Variants in ADGRG7 observed in about 807,000 individuals in gnomAD.
The protein encoded by ADGRG7 is adhesion G protein-coupled receptor G7, also known as G-protein coupled receptor 128.
A neutral mutation model predicts 88.6 loss-of-function variants in ADGRG7; 82 were observed. The ratio of observed to expected loss-of-function variants is 0.93; its 90% CI spans 0.77 to 1.11. The LOEUF is 1.11. Among genes scored for constraint, ADGRG7 ranks in the 50% most tolerant of loss-of-function variants. The pLI, the probability that ADGRG7 is intolerant of heterozygous loss-of-function variation, is 0.00. For synonymous variants in ADGRG7, 381 were observed against 345.2 expected, an observed-to-expected ratio of 1.10 and a Z score of -1.15; for missense variants, 945 against 953.4, an observed-to-expected ratio of 0.99 and a Z score of 0.12.
Position 100,643,389 on chromosome 3 carries a change from C to T in ADGRG7, c.822C>T (p.Arg274=). 1 of 1,613,946 alleles carries T rather than the reference C, an allele frequency of 6.2e-7. No homozygotes were observed. The highest frequency in any genetic ancestry group is 8.5e-7 in the Non-Finnish European group (1 of 1,179,912). The change falls in exon 7 of 16, where the codon CGC becomes CGT. Residue 274 remains arginine (R), a synonymous_variant. Transcript: ENST00000273352. ...SENAVGPSNV[R]FSVQKGASSS... ...ATGCGGTGGGGCCTTCAAATGTTCG[C>T]TTCTCTGTGCAGAAAGGTGAGCTGT...
In ADGRG7 at chr3:100,655,906, A is replaced by G; in HGVS notation, c.1734A>G (p.Pro578=). The G allele has an allele frequency of 6.3e-7, 1 of 1,579,672 alleles. No individual in the cohort carries two copies. Among genetic ancestry groups the G allele is most frequent in the Non-Finnish European group, 8.7e-7 (1 of 1,149,030 alleles). ...LFISLIGWGV[P]AIVVAITVGV... Reference sequence around the variant, plus strand: ...CCTCTCTTTATCACATAGGAGTCCCAGCTATAGTAGTGGCTATAACAGTGG... The same window carrying G: ...CCTCTCTTTATCACATAGGAGTCCCGGCTATAGTAGTGGCTATAACAGTGG... Residue 578 remains proline, a synonymous_variant, in exon 13 of 16, where the codon CCA becomes CCG. Transcript: ENST00000273352.
Position 100,655,055 on chromosome 3 carries a change from C to G in ADGRG7, c.1600C>G (p.His534Asp), listed in dbSNP as rs1185942948. 1 of 1,614,132 alleles carries G rather than the reference C, an allele frequency of 6.2e-7. No homozygotes were observed. Among genetic ancestry groups the G allele is most frequent in the Admixed American group, 1.7e-5 (1 of 60,020 alleles). Residue 534 changes from histidine to aspartate, a missense_variant, in exon 12 of 16, where the codon CAC becomes GAC. Transcript: ENST00000273352. Reference sequence around the variant, plus strand: ...GTGCACTGCGATTGCCGCCTTACTGCACTATTTTCTGTTAGTGACATTTAC... The same window carrying G: ...GTGCACTGCGATTGCCGCCTTACTGGACTATTTTCTGTTAGTGACATTTAC... ...PMCTAIAALLHYFLLVTFTWN... is the reference protein window; with the variant it reads ...PMCTAIAALLDYFLLVTFTWN...
intron 15 of ADGRG7, among the ~76,000 whole-genome samples, chr3:100,693,215 C>A (rs1180261377): frequency 6.6e-6 from 1 of 152,078 alleles, no homozygotes; most frequent in Non-Finnish European, 1.5e-5. Context: ...GAAATTTGAT[C>A]AAATCTTAGT....
intron 1 of ADGRG7, among the ~76,000 whole-genome samples, chr3:100,618,534 A>T (rs6441369): frequency 3.9e-5 from 6 of 152,070 alleles, no homozygotes; most frequent in Admixed American, 1.3e-4. Flanking sequence ...TGTAGATATG[A>T]GGCATCATTT....
chr3:100,610,608 G>C (rs1407378906), intron 1 of ADGRG7, among the ~76,000 whole-genome samples: 2 of 152,176 alleles, frequency 1.3e-5, no homozygotes, highest in African/African-American at 4.8e-5. Flanking sequence ...ACGTGGGAGG[G>C]GAAGTAGTGA....
intron 1 of ADGRG7, among the ~76,000 whole-genome samples, chr3:100,621,452 A>G (rs1707310327): frequency 6.6e-6 from 1 of 152,208 alleles, no homozygotes; most frequent in African/African-American, 2.4e-5. Flanking sequence ...CTTTTTGCTG[A>G]TATGGAGAAA....
intron 1 of ADGRG7, among the ~76,000 whole-genome samples, chr3:100,611,791 A>G (rs1453826621): frequency 6.6e-6 from 1 of 152,210 alleles, no homozygotes; most frequent in Admixed American, 6.5e-5. Context: ...ATTTGCTGTT[A>G]CTATTTTGCC....
chr3:100,616,953 A>T (rs1464292830), intron 1 of ADGRG7, among the ~76,000 whole-genome samples: 1 of 152,188 alleles, frequency 6.6e-6, no homozygotes, highest in Non-Finnish European at 1.5e-5. Flanking sequence ...ATGAGATTAA[A>T]AAATTTGATG....
At chr3:100,666,190 G>T (rs970837726) in intron 14 of ADGRG7, among the ~76,000 whole-genome samples, 3 of 152,098 alleles carry the variant, frequency 2.0e-5, no homozygotes, top group Admixed American at 1.3e-4. Flanking sequence ...TCGTAAGGTG[G>T]AATGAGAGAC....
chr3:100,676,295 G>A (rs985219078), intron 15 of ADGRG7, among the ~76,000 whole-genome samples: 6 of 151,722 alleles, frequency 4.0e-5, no homozygotes, highest in Non-Finnish European at 8.8e-5. Flanking sequence ...TTGGTATGTT[G>A]TGTTTCCATT....
At chr3:100,679,220 C>T (rs74952013) in intron 15 of ADGRG7, among the ~76,000 whole-genome samples, 5 of 152,294 alleles carry the variant, frequency 3.3e-5, no homozygotes, top group Admixed American at 6.5e-5. Flanking sequence ...TCCTCAAGCA[C>T]AGGAGTCTCT....
chr3:100,635,510 A>G (rs541315407), intron 4 of ADGRG7, 167 bp from the exon 5 acceptor site: 203 of 1,414,580 alleles, frequency 1.4e-4, no homozygotes, highest in Middle Eastern at 5.2e-4. Flanking sequence ...GTCTGCATGT[A>G]CTTTGTCCTT....
chr3:100,635,479 G>C, intron 4 of ADGRG7, 198 bp from the exon 5 acceptor site: 6 of 1,244,280 alleles, frequency 4.8e-6, no homozygotes, highest in Non-Finnish European at 6.3e-6. Context: ...TGTCAAACAG[G>C]AAAGGCTGGC....
At chr3:100,610,190 A>G (rs1258167034) in intron 1 of ADGRG7, among the ~76,000 whole-genome samples, 3 of 152,230 alleles carry the variant, frequency 2.0e-5, no homozygotes, top group African/African-American at 4.8e-5. Flanking sequence ...GAAGAGTGAC[A>G]TAATTGAATT....
At chr3:100,617,039 AAAG>A (rs1410691188) in intron 1 of ADGRG7, among the ~76,000 whole-genome samples, 2 of 152,170 alleles carry the variant, frequency 1.3e-5, no homozygotes, top group Non-Finnish European at 2.9e-5. Context: ...AGCAACTCTT[AAAG>A]AAGTAATAAC....
chr3:100,690,413 A>G (rs2094991262), intron 15 of ADGRG7, among the ~76,000 whole-genome samples: 1 of 151,952 alleles, frequency 6.6e-6, no homozygotes, highest in Non-Finnish European at 1.5e-5. Context: ...TCCATTGAGG[A>G]GCTGCATTCC....
At chr3:100,628,555 C>G (rs1443468411) in intron 1 of ADGRG7, among the ~76,000 whole-genome samples, 1 of 151,990 alleles carries the variant, frequency 6.6e-6, no homozygotes, top group Non-Finnish European at 1.5e-5. Context: ...GCGGTTTCAC[C>G]ATATTGCTCA....
chr3:100,612,868 A>C (rs1707173357), intron 1 of ADGRG7, among the ~76,000 whole-genome samples: 1 of 152,086 alleles, frequency 6.6e-6, no homozygotes, highest in African/African-American at 2.4e-5. Flanking sequence ...CTGACTTCAT[A>C]GCATTGATAA....
At chr3:100,629,135 T>C (rs1030643161) in intron 1 of ADGRG7, among the ~76,000 whole-genome samples, 4 of 152,186 alleles carry the variant, frequency 2.6e-5, no homozygotes, top group Non-Finnish European at 5.9e-5. Context: ...CCCATTTTCA[T>C]CTGGTTTTTC....
Sources: gnomAD v4.1 joint callset for allele counts (sites outside exome capture counted in the v4.1 genomes callset) on GRCh38, gnomAD v4.1.1 for gene constraint, MANE v1.5 for transcripts, NCBI Gene and HGNC (gene_info 2026-07-23, HGNC 2026-07-21) for gene names.